The following MYCBP2 variants were observed in gnomAD, a reference collection of about 807,000 sequenced individuals.
MYCBP2 encodes E3 ubiquitin-protein ligase MYCBP2.
A neutral mutation model predicts 525.3 loss-of-function variants in MYCBP2; 120 were observed. The ratio of observed to expected loss-of-function variants is 0.23; its 90% CI spans 0.20 to 0.27. The LOEUF is 0.27. Among genes scored for constraint, MYCBP2 ranks in the 10% least tolerant of loss-of-function variants. The pLI is 1.00. For synonymous variants in MYCBP2, 1,894 were observed against 1,955.8 expected, an observed-to-expected ratio of 0.97 and a Z score of 0.83; for missense variants, 4,149 against 5,657.1, an observed-to-expected ratio of 0.73 and a Z score of 8.55.
intron 23 of MYCBP2, among the ~76,000 whole-genome samples, chr13:77,210,925 G>T (rs557933895): frequency 6.6e-6 from 1 of 152,212 alleles, no homozygotes; most frequent in South Asian, 2.1e-4. Context: ...CTTCTCCAGG[G>T]TGACACAGAA....
intron 21 of MYCBP2, among the ~76,000 whole-genome samples, chr13:77,217,638 T>C (rs1001934377): frequency 3.3e-5 from 5 of 152,130 alleles, no homozygotes; most frequent in Non-Finnish European, 5.9e-5. Flanking sequence ...TAAATTCTAA[T>C]GCTGAGCTAG....
chr13:77,217,758 GA>G lies in MYCBP2; in HGVS notation c.3057+81del. 5.3e-6 allele frequency: 4 copies of G among 761,896 alleles called. 1 individual carries two copies. In the South Asian group the frequency reaches 9.3e-5, roughly 18 times the overall value. The allele number at this position is 761,896 out of a possible 1,614,324, so 47.2% of individuals were successfully genotyped here. On this transcript the variant is annotated intron_variant, in intron 21 of 82. Transcript: ENST00000544440. ...AATATAATTGTTATATTATATTCTG[GA>G]AACAGAAAAAAGAGCTAATATAGAC...
rs2069411704 is a variant in MYCBP2 at position 77,244,027 on chromosome 13, A to G, written c.2382-76T>C. The G allele has an allele frequency of 3.6e-6, 5 of 1,396,258 alleles. No homozygotes were observed. In the South Asian group the frequency reaches 8.9e-5, roughly 25 times the overall value. The allele number at this position is 1,396,258 out of a possible 1,614,324, so 86.5% of individuals were successfully genotyped here. A position where few individuals can be genotyped will look rare whatever the true frequency, so the allele number is the denominator to read the frequency against. ...TTTGTCTTTAAAACTCTTTTCTATA[A>G]CTTATTTTCCACATTTTTGAAATTG... On this transcript the variant is annotated intron_variant, in intron 15 of 82. Coordinates refer to ENST00000544440, the MANE Select transcript of MYCBP2 (RefSeq NM_015057.5).
chr13:77,323,884 A>C (rs1333087013), intron 1 of MYCBP2, among the ~76,000 whole-genome samples: 2 of 152,056 alleles, frequency 1.3e-5, no homozygotes, highest in Non-Finnish European at 2.9e-5. Flanking sequence ...TCAATGGCTA[A>C]CCTCTCCACC....
intron 15 of MYCBP2, among the ~76,000 whole-genome samples, chr13:77,248,153 A>AAG (rs1555434344): frequency 4.6e-5 from 7 of 151,350 alleles, no homozygotes; most frequent in South Asian, 4.2e-4. Context: ...AAAAAAAAAA[A>AAG]AAGAAGAAGA....
Position 77,065,965 on chromosome 13 carries a change from T to C in MYCBP2, c.12552+27A>G, listed in dbSNP as rs1165067060. On this transcript the variant is annotated intron_variant, in intron 72 of 82. Coordinates refer to ENST00000544440, the MANE Select transcript of MYCBP2 (RefSeq NM_015057.5). ...GTGTCAGCTTCCTGCCGCACTTCAC[T>C]GCCAAAACAGAAGAATGGGAACTTA... The C allele has an allele frequency of 2.5e-6, 4 of 1,574,118 alleles. 1 individual carries two copies. Among genetic ancestry groups the C allele is most frequent in the South Asian group, 1.1e-5 (1 of 87,474 alleles).
chr13:77,159,589 G>A (rs2057629888), intron 44 of MYCBP2, among the ~76,000 whole-genome samples: 1 of 152,134 alleles, frequency 6.6e-6, no homozygotes, highest in African/African-American at 2.4e-5. Context: ...CTGAATCATG[G>A]GGGCAGACTT....
chr13:77,217,447 TA>T (rs1018423181), intron 21 of MYCBP2, among the ~76,000 whole-genome samples: 3 of 151,798 alleles, frequency 2.0e-5, no homozygotes, highest in South Asian at 2.1e-4. Flanking sequence ...ACAAATCAAA[TA>T]AAAAAAACTA....
intron 52 of MYCBP2, among the ~76,000 whole-genome samples, chr13:77,129,890 A>G (rs1445359089): frequency 2.0e-5 from 3 of 151,946 alleles, no homozygotes; most frequent in African/African-American, 7.2e-5. Flanking sequence ...AAATGTAATC[A>G]ATTTTATCAA....
intron 13 of MYCBP2, among the ~76,000 whole-genome samples, chr13:77,258,098 T>C (rs529275301): frequency 1.3e-5 from 2 of 152,284 alleles, no homozygotes; most frequent in South Asian, 4.1e-4. Flanking sequence ...GAATGCTTCC[T>C]CCAAATGGTA....
intron 70 of MYCBP2, among the ~76,000 whole-genome samples, chr13:77,068,212 C>A (rs908070517): frequency 4.6e-5 from 7 of 152,208 alleles, no homozygotes; most frequent in African/African-American, 1.4e-4. Context: ...GATATACATA[C>A]TATTCAAATG....
intron 1 of MYCBP2, among the ~76,000 whole-genome samples, chr13:77,301,107 G>A (rs987453036): frequency 6.6e-6 from 1 of 152,202 alleles, no homozygotes; most frequent in African/African-American, 2.4e-5. Context: ...CTGGAACACT[G>A]AAGGATGATA....
At chr13:77,229,049 G>A (rs1420742992) in intron 18 of MYCBP2, among the ~76,000 whole-genome samples, 1 of 152,140 alleles carries the variant, frequency 6.6e-6, no homozygotes, top group South Asian at 2.1e-4. Flanking sequence ...TGTGCTAACT[G>A]AACACTGTAA....
intron 14 of MYCBP2, among the ~76,000 whole-genome samples, chr13:77,256,670 T>C (rs867857649): frequency 1.4e-4 from 21 of 152,006 alleles, no homozygotes; most frequent in African/African-American, 4.6e-4. Flanking sequence ...AAATCAAAAC[T>C]ACACTGAGAT....
intron 59 of MYCBP2, among the ~76,000 whole-genome samples, chr13:77,091,736 T>A (rs2045460808): frequency 6.6e-6 from 1 of 151,870 alleles, no homozygotes; most frequent in African/African-American, 2.4e-5. Context: ...TTTTTTTTTT[T>A]AAATAGAAGG....
chr13:77,073,040 G>T (rs543334444), intron 68 of MYCBP2, among the ~76,000 whole-genome samples: 1 of 152,198 alleles, frequency 6.6e-6, no homozygotes, highest in South Asian at 2.1e-4. Context: ...TTAAAGCATA[G>T]AATTCAATGG....
At chr13:77,099,565 GT>G (rs2046753350) in intron 55 of MYCBP2, 1 of 163,890 alleles carries the variant, frequency 6.1e-6, no homozygotes, top group African/African-American at 2.4e-5. Flanking sequence ...GAGGCACTCT[GT>G]TTTATGATCA....
At chr13:77,197,626 A>G (rs1446569311) in intron 26 of MYCBP2, among the ~76,000 whole-genome samples, 1 of 152,074 alleles carries the variant, frequency 6.6e-6, no homozygotes, top group Non-Finnish European at 1.5e-5. Context: ...GTGAAGAAAG[A>G]GGGCCTAGGG....
intron 15 of MYCBP2, among the ~76,000 whole-genome samples, chr13:77,246,509 GAGA>G (rs1004385352): frequency 7.3e-5 from 11 of 150,664 alleles, no homozygotes; most frequent in African/African-American, 2.4e-4. Flanking sequence ...GGAAAAGAAG[GAGA>G]AGGAGGAGAA....
Sources: gnomAD v4.1 joint callset for allele counts (sites outside exome capture counted in the v4.1 genomes callset) on GRCh38, gnomAD v4.1.1 for gene constraint, MANE v1.5 for transcripts, NCBI Gene and HGNC (gene_info 2026-07-23, HGNC 2026-07-21) for gene names.